SVIL: variants seen among roughly 807,000 people sequenced by gnomAD.
The protein encoded by SVIL is supervillin.
A neutral mutation model predicts 240.4 loss-of-function variants in SVIL; 101 were observed. The ratio of observed to expected loss-of-function variants is 0.42; its 90% confidence interval spans 0.36 to 0.50. The LOEUF (loss-of-function observed/expected upper bound fraction) is 0.50. SVIL is among the 20% of genes least tolerant of loss of function. The pLI, the probability that SVIL is intolerant of heterozygous loss-of-function variation, is 0.01. For synonymous variants in SVIL, 999 were observed against 1,100.0 expected, an observed-to-expected ratio of 0.91 and a Z score of 1.82; for missense variants, 2,512 against 2,818.7, an observed-to-expected ratio of 0.89 and a Z score of 2.46.
chr10:29,736,348 A>C (rs1251756646), upstream of SVIL, among the ~76,000 whole-genome samples: 1 of 152,212 alleles, frequency 6.6e-6, no homozygotes, highest in Non-Finnish European at 1.5e-5. Flanking sequence ...AGTAGCTCTC[A>C]GGGTGGTGGC....
chr10:29,734,796 T>C (rs61848304), intron 1 of SVIL, among the ~76,000 whole-genome samples: 28,121 of 152,134 alleles, frequency 0.18, 3,065 homozygotes, highest in East Asian at 0.27. Flanking sequence ...GCAGTAGAGA[T>C]GCTGCCTCTG....
chr10:29,637,988 A>T (rs955365810), upstream of SVIL, among the ~76,000 whole-genome samples: 1 of 152,162 alleles, frequency 6.6e-6, no homozygotes, highest in African/African-American at 2.4e-5. Context: ...ACAGGGCCAC[A>T]TGAGAGACCC....
chr10:29,711,037 A>C (rs1318325511), intron 1 of SVIL, among the ~76,000 whole-genome samples: 1 of 152,252 alleles, frequency 6.6e-6, no homozygotes, highest in African/African-American at 2.4e-5. Context: ...AGAGGATTTG[A>C]GGGAAATAGT....
At chr10:29,585,327 G>A (rs1296508392) in intron 1 of SVIL, among the ~76,000 whole-genome samples, 2 of 151,992 alleles carry the variant, frequency 1.3e-5, no homozygotes, top group South Asian at 2.1e-4. Context: ...CCCACAAAGT[G>A]CAGATATTAC....
intron 16 of SVIL, among the ~76,000 whole-genome samples, chr10:29,519,074 CT>C (rs1950400586): frequency 1.3e-5 from 2 of 151,974 alleles, no homozygotes; most frequent in Admixed American, 1.3e-4. Flanking sequence ...AAATTCCAGA[CT>C]CTATTTCTGA....
intron 10 of SVIL, 52 bp from the exon 11 acceptor site, chr10:29,530,720 C>A (rs372842415): frequency 2.5e-6 from 4 of 1,606,488 alleles, no homozygotes; most frequent in South Asian, 2.2e-5. Flanking sequence ...AGGTTAAGTT[C>A]GGTCTCCAAA....
At chr10:29,642,405 AAGAG>A (rs1381464827) in intron 3 of SVIL, among the ~76,000 whole-genome samples, 1 of 146,790 alleles carries the variant, frequency 6.8e-6, no homozygotes, top group Non-Finnish European at 1.5e-5. Context: ...AACAGAAAGA[AAGAG>A]AGAGAGTGAG....
Position 29,649,646 on chromosome 10 carries a change from C to T in SVIL, c.-201+8323G>A, listed in dbSNP as rs1043025550. Among the ~76,000 whole-genome samples the T allele has an allele frequency of 4.6e-5, 7 of 151,964 alleles. No homozygotes were observed. In the East Asian group the frequency reaches 1.3e-3, roughly 29 times the overall value. Reference sequence around the variant, plus strand: ...ATATAACTTCAAACAATTGACTTACCAAAATATGCAAGTGCATGGGCGTAC... The same window carrying T: ...ATATAACTTCAAACAATTGACTTACTAAAATATGCAAGTGCATGGGCGTAC... On this transcript the variant is annotated intron_variant, in intron 3 of 35. Transcript: ENST00000375400.
Position 29,526,939 on chromosome 10 carries a change from T to C in SVIL, c.2342+22A>G, listed in dbSNP as rs115983682. On this transcript the variant is annotated intron_variant, in intron 13 of 37. Transcript: ENST00000355867. ...CGGCACCTTTGCACCGGGTGCCGCA[T>C]GCATCTGTATCTGTCCAGTACCTGG... 1,314 of 1,530,798 alleles carry C rather than the reference T, an allele frequency of 8.6e-4. 10 individuals carry two copies. In the African/African-American group the frequency reaches 0.016, roughly 19 times the overall value. 94.8% of individuals were successfully genotyped at this position (1,530,798 alleles called of 1,614,324 possible).
intron 27 of SVIL, 123 bp from the exon 28 acceptor site, chr10:29,481,851 T>C: frequency 1.2e-6 from 1 of 853,364 alleles, no homozygotes; most frequent in Non-Finnish European, 1.9e-6. Context: ...CGTGAGTACA[T>C]ATAAAGTAAA....
At chr10:29,572,229 G>T (rs1955457499) in intron 1 of SVIL, among the ~76,000 whole-genome samples, 1 of 151,998 alleles carries the variant, frequency 6.6e-6, no homozygotes, top group South Asian at 2.1e-4. Context: ...GTACTAGAGG[G>T]GTCAGTGGTG....
At chr10:29,700,468 C>CA (rs774973588) in intron 1 of SVIL, among the ~76,000 whole-genome samples, 1 of 113,128 alleles carries the variant, frequency 8.8e-6, no homozygotes. Context: ...TTACTATTTC[C>CA]TTTTTTTTTT....
intron 1 of SVIL, among the ~76,000 whole-genome samples, chr10:29,618,389 T>C (rs945104358): frequency 6.6e-6 from 1 of 152,194 alleles, no homozygotes; most frequent in East Asian, 1.9e-4. Flanking sequence ...CCTGACAATA[T>C]GACACCCTGC....
In SVIL at chr10:29,490,936, A is replaced by G; in HGVS notation, c.4103T>C (p.Leu1368Pro). Residue 1368 changes from leucine to proline, a missense_variant, in exon 22 of 38, where the codon CTG becomes CCG. Around this residue, in one of 3 missense-constraint regions of SVIL, gnomAD observed 272 missense variants for 406.8 expected, o/e 0.67. Coordinates refer to ENST00000355867, the MANE Select transcript of SVIL (RefSeq NM_021738.3). ...VQASKNPLKM[L>P]AAREDLLQEY... ...CTGAAGGAGATCTTCTCTTGCCGCC[A>G]GCATTTTCAGGGGGTTTTTGGAGGC... 1 of 1,613,990 alleles carries G rather than the reference A, an allele frequency of 6.2e-7. No individual in the cohort carries two copies. The highest frequency in any genetic ancestry group is 8.5e-7 in the Non-Finnish European group (1 of 1,179,878).
intron 2 of SVIL, among the ~76,000 whole-genome samples, chr10:29,566,211 T>C (rs1564650607): frequency 6.6e-6 from 1 of 152,204 alleles, no homozygotes; most frequent in East Asian, 1.9e-4. Context: ...AACACATCAT[T>C]CTTTAGTACC....
chr10:29,585,197 C>G (rs996091649), intron 1 of SVIL, among the ~76,000 whole-genome samples: 5 of 151,956 alleles, frequency 3.3e-5, no homozygotes, highest in African/African-American at 1.2e-4. Context: ...ACCCTCCCAC[C>G]TCAGCTGGGA....
Position 29,669,851 on chromosome 10 carries a change from C to T in SVIL, c.-300-11783G>A, listed in dbSNP as rs535930213. Among the ~76,000 whole-genome samples, 7 of 152,310 alleles carry T rather than the reference C, an allele frequency of 4.6e-5. No homozygotes were observed. In the East Asian group the frequency reaches 9.6e-4, roughly 21 times the overall value. ...GGAAAGTTGCCGGCTGTGGTGGCAA[C>T]GCCTATAATCTCAGCAGTTTGGGAG... On this transcript the variant is annotated intron_variant, in intron 2 of 35. Transcript: ENST00000375400.
At chr10:29,488,489 A>G (rs2132388173) in intron 23 of SVIL, 112 bp downstream of exon 23, 2 of 1,259,506 alleles carry the variant, frequency 1.6e-6, no homozygotes, top group East Asian at 2.9e-5. Context: ...AGTTCTCAAA[A>G]AGTGTGCGTT....
chr10:29,511,874 A>C (rs899010195), intron 17 of SVIL, among the ~76,000 whole-genome samples: 11 of 152,110 alleles, frequency 7.2e-5, no homozygotes, highest in Non-Finnish European at 1.5e-4. Flanking sequence ...TGAAAGTCAC[A>C]CTCATCATCT....
Sources: allele counts gnomAD v4.1 joint callset (sites outside exome capture counted in the v4.1 genomes callset), GRCh38; gene constraint gnomAD v4.1.1; regional missense constraint gnomAD v4.1.1; transcripts MANE v1.5; gene names NCBI Gene and HGNC (gene_info 2026-07-23, HGNC 2026-07-21).